SDC4: variants seen among roughly 807,000 people sequenced by gnomAD.
SDC4 encodes the protein syndecan-4.
A neutral mutation model predicts 20.5 loss-of-function variants in SDC4; 17 were observed. The observed-to-expected ratio is 0.83, with a 90% CI of 0.57 to 1.25. The LOEUF is 1.25. SDC4 is among the 50% of genes most tolerant of loss of function. SDC4 has a pLI of 0.00. For synonymous variants in SDC4, 107 were observed against 105.3 expected (o/e 1.02, Z -0.10); for missense variants, 241 against 252.3 (o/e 0.96, Z 0.30).
At chr20:45,340,590 G>A (rs1987940334) in intron 1 of SDC4, among the ~76,000 whole-genome samples, 1 of 152,216 alleles carries the variant, frequency 6.6e-6, no homozygotes. Context: ...TTAAACAAAG[G>A]AACAGAAACT....
chr20:45,348,216 GGTAGCGT>G, intron 1 of SDC4, 102 bp downstream of exon 1: 1 of 1,045,456 alleles, frequency 9.6e-7, no homozygotes, highest in Non-Finnish European at 1.4e-6. Flanking sequence ...TCCGGTTGGG[GGTAGCGT>G]ACCCCCGATC....
chr20:45,335,819 T>C lies in SDC4; in HGVS notation c.162A>G (p.Glu54=), dbSNP rs750033737. 2 of 1,614,044 alleles carry C rather than the reference T, an allele frequency of 1.2e-6. No homozygotes were observed. Among genetic ancestry groups the C allele is most frequent in the Non-Finnish European group, 1.7e-6 (2 of 1,179,986 alleles). ...DDEDVVGPGQ[E]SDDFELSGSG... is the part of the protein sequence containing the mutation. Reference sequence around the variant, plus strand: ...AGCCAGACAGCTCAAAGTCATCAGATTCCTGCCCGGGCCCCACTACATCCT... The same window carrying C: ...AGCCAGACAGCTCAAAGTCATCAGACTCCTGCCCGGGCCCCACTACATCCT... The change falls in exon 2 of 5, where the codon GAA becomes GAG. Residue 54 remains glutamate (E), a synonymous_variant. Coordinates refer to ENST00000372733, the MANE Select transcript of SDC4 (RefSeq NM_002999.4).
chr20:45,326,137 GAAT>G lies in SDC4; in HGVS notation c.*1124_*1126del, dbSNP rs147117564. The G allele has an allele frequency of 0.038, 5,740 of 150,620 alleles. 254 individuals are homozygous for G. The highest frequency in any genetic ancestry group is 0.26 in the East Asian group (1,327 of 5,158). The allele number at this position is 150,620 out of a possible 1,614,324, so 9.3% of individuals were successfully genotyped here. A position where few individuals can be genotyped will look rare whatever the true frequency, so the allele number is the denominator to read the frequency against. Reference sequence around the variant, plus strand: ...TATCTATTTTTCTAGAACCAAGGAAGAATAATAATATATTATAAGAACACAGAC... The same window carrying G: ...TATCTATTTTTCTAGAACCAAGGAAGAATAATATATTATAAGAACACAGAC... On this transcript the variant is annotated 3_prime_UTR_variant, in exon 5 of 5. Coordinates refer to ENST00000372733, the MANE Select transcript of SDC4 (RefSeq NM_002999.4).
At chr20:45,331,206 A>C (rs1987772731) in intron 3 of SDC4, among the ~76,000 whole-genome samples, 1 of 152,106 alleles carries the variant, frequency 6.6e-6, no homozygotes, top group African/African-American at 2.4e-5. Context: ...TGATTGGAGG[A>C]CTTTGGATAT....
rs531824370 is a variant in SDC4, at chr20:45,339,756, G to A, written c.61-3836C>T. Reference sequence around the variant, plus strand: ...CCCTGTCTCCAAAAAATAAAAAATAGGGCAATGGGCCTAGGTCCCACAGAC... The same window carrying A: ...CCCTGTCTCCAAAAAATAAAAAATAAGGCAATGGGCCTAGGTCCCACAGAC... On this transcript the variant is annotated intron_variant, in intron 1 of 4. Coordinates refer to ENST00000372733, the MANE Select transcript of SDC4 (RefSeq NM_002999.4). Among the ~76,000 whole-genome samples the A allele has an allele frequency of 9.9e-5, 15 of 152,244 alleles. No individual in the cohort carries two copies. In the South Asian group the frequency reaches 2.3e-3, roughly 23 times the overall value.
rs1468262336 is a variant in SDC4 at position 45,326,628 on chromosome 20, T to C, written c.*636A>G. The C allele has an allele frequency of 6.6e-6, 1 of 152,592 alleles. No individual in the cohort carries two copies. The highest frequency in any genetic ancestry group is 2.4e-5 in the African/African-American group (1 of 41,414). The allele number at this position is 152,592 out of a possible 1,614,324, so 9.5% of individuals were successfully genotyped here. On this transcript the variant is annotated 3_prime_UTR_variant, in exon 5 of 5. Coordinates refer to ENST00000372733, the MANE Select transcript of SDC4 (RefSeq NM_002999.4). ...CAAACACTAAAAATAGATTTACAAA[T>C]ATTCTATAAATCCATTTCAGCATAA...
At chr20:45,336,247 T>G (rs988862000) in intron 1 of SDC4, among the ~76,000 whole-genome samples, 3 of 152,134 alleles carry the variant, frequency 2.0e-5, no homozygotes, top group Non-Finnish European at 4.4e-5. Context: ...ACCCCGTCTC[T>G]ACTAAAAATA....
chr20:45,335,586 C>T (rs1191423944), intron 2 of SDC4, among the ~76,000 whole-genome samples, 196 bp downstream of exon 2: 1 of 152,032 alleles, frequency 6.6e-6, no homozygotes, highest in Admixed American at 6.6e-5. Context: ...CAGCAAACAG[C>T]TTGTCCCCAG....
At position 45,336,778 on chromosome 20, in the gene SDC4, C is replaced by T. The variant is rs913205892; in HGVS notation, c.61-858G>A. On this transcript the variant is annotated intron_variant, in intron 1 of 4. Transcript: ENST00000372733. ...TTTTCCCAGCTGAGTCAGTCTGGGC[C>T]GGGACAGACAGGGCTGCCTCACGCA... Among the ~76,000 whole-genome samples, 11 of 152,186 alleles carry T rather than the reference C, an allele frequency of 7.2e-5. No homozygotes were observed. In the East Asian group the frequency reaches 9.7e-4, roughly 13 times the overall value.
At position 45,335,803 on chromosome 20, in the gene SDC4, G is replaced by A. The variant is rs774744283; in HGVS notation, c.178C>T (p.Leu60=). 6.2e-7 allele frequency: 1 copy of A among 1,613,772 alleles called. No homozygotes were observed. The highest frequency in any genetic ancestry group is 1.3e-5 in the African/African-American group (1 of 74,900). Residue 60 remains leucine (L), a synonymous_variant, in exon 2 of 5, where the codon CTG becomes TTG. Transcript: ENST00000372733. ...GTACCCAGATCTCCAGAGCCAGACA[G>A]CTCAAAGTCATCAGATTCCTGCCCG... ...GPGQESDDFE[L]SGSGDLDDLE...
At position 45,325,586 on chromosome 20, in the gene SDC4, A is replaced by G. The variant is rs971903795; in HGVS notation, c.*1678T>C. 3 of 152,126 alleles carry G rather than the reference A, an allele frequency of 2.0e-5. No homozygotes were observed. The East Asian group carries it at 5.9e-4, about 30-fold the overall frequency. 9.4% of individuals were successfully genotyped at this position (152,126 alleles called of 1,614,324 possible). A position where few individuals can be genotyped will look rare whatever the true frequency, so the allele number is the denominator to read the frequency against. On this transcript the variant is annotated 3_prime_UTR_variant, in exon 5 of 5. Coordinates refer to ENST00000372733, the MANE Select transcript of SDC4 (RefSeq NM_002999.4). ...CCTCTCAGGAGAGGGAGGGTCCCAGACAACAGGCCCCAGCTGGGGCCTCAT... is the reference window on the plus strand; with the variant it reads ...CCTCTCAGGAGAGGGAGGGTCCCAGGCAACAGGCCCCAGCTGGGGCCTCAT...
In SDC4 at chr20:45,333,045, C is replaced by T. The variant is rs1421645350; in HGVS notation, c.224G>A (p.Gly75Asp). The T allele has an allele frequency of 6.2e-7, 1 of 1,614,198 alleles. No homozygotes were observed. Among genetic ancestry groups the T allele is most frequent in the South Asian group, 1.1e-5 (1 of 91,090 alleles). ...TACCAAGGGATGGACAACTTCAGGG[C>T]CGATCATGGAGTCTTCCAAGTCATC... is the stretch of plus-strand genomic sequence containing the variant. ...DLDDLEDSMI[G>D]PEVVHPLVPL... The change falls in exon 3 of 5, where the codon GGC becomes GAC. Residue 75 changes from glycine to aspartate, a missense_variant. Gly to Asp is a moderately conservative substitution (Grantham distance 94, BLOSUM62 -1). Transcript: ENST00000372733.
At position 45,340,376 on chromosome 20, in the gene SDC4, G is replaced by A. The variant is rs1257101550; in HGVS notation, c.61-4456C>T. Among the ~76,000 whole-genome samples, 4 of 152,162 alleles carry A rather than the reference G, an allele frequency of 2.6e-5. No homozygotes were observed. The East Asian group carries it at 5.8e-4, about 22-fold the overall frequency. On this transcript the variant is annotated intron_variant, in intron 1 of 4. Coordinates refer to ENST00000372733, the MANE Select transcript of SDC4 (RefSeq NM_002999.4). ...GGTTCAGCTGAGTCACTTATCCAACGTCATGCAACTAGAAAGCTAGAGCTG... is the reference window on the plus strand; with the variant it reads ...GGTTCAGCTGAGTCACTTATCCAACATCATGCAACTAGAAAGCTAGAGCTG...
At chr20:45,347,930 C>A (rs1988056860) in intron 1 of SDC4, among the ~76,000 whole-genome samples, 1 of 152,058 alleles carries the variant, frequency 6.6e-6, no homozygotes, top group Non-Finnish European at 1.5e-5. Flanking sequence ...AGGGCCATCT[C>A]GGATCCTAAA....
intron 1 of SDC4, 125 bp from the exon 2 acceptor site, chr20:45,336,045 C>A (rs1293837877): frequency 9.4e-6 from 9 of 962,006 alleles, no homozygotes; most frequent in Non-Finnish European, 1.4e-5. Flanking sequence ...TGGAGACCTG[C>A]GTCCTGGATC....
chr20:45,339,432 C>T (rs2145714799), intron 1 of SDC4, among the ~76,000 whole-genome samples: 1 of 152,386 alleles, frequency 6.6e-6, no homozygotes, highest in African/African-American at 2.4e-5. Context: ...TTGTCCCTTT[C>T]ATGAACACAC....
At chr20:45,346,494 AGCACCCTGAAGCACCTGAAG>A (rs1384833192) in intron 1 of SDC4, among the ~76,000 whole-genome samples, 1 of 152,248 alleles carries the variant, frequency 6.6e-6, no homozygotes, top group East Asian at 1.9e-4. Context: ...CTGACTGCTC[AGCACCCTGAAGCACCTGAAG>A]GCTCAGCAGC....
intron 1 of SDC4, among the ~76,000 whole-genome samples, chr20:45,338,519 G>A (rs6032124): frequency 0.07 from 10,695 of 152,262 alleles, 1,305 homozygotes; most frequent in African/African-American, 0.24. Context: ...AGGAGCCATG[G>A]AAGGTTGTTT....
chr20:45,342,261 C>G (rs1210966839), intron 1 of SDC4, among the ~76,000 whole-genome samples: 2 of 152,202 alleles, frequency 1.3e-5, no homozygotes, highest in African/African-American at 4.8e-5. Flanking sequence ...CAGCCTCCCT[C>G]ACCGACCCCC....
Sources: allele counts gnomAD v4.1 joint callset (sites outside exome capture counted in the v4.1 genomes callset), GRCh38; gene constraint gnomAD v4.1.1; transcripts MANE v1.5; gene names NCBI Gene and HGNC (gene_info 2026-07-23, HGNC 2026-07-21).